Variants in ARHGAP35 observed in about 807,000 individuals in gnomAD.
The protein encoded by ARHGAP35 is rho GTPase-activating protein 35.
A neutral mutation model predicts 111.1 loss-of-function variants in ARHGAP35; 15 were observed. The observed-to-expected ratio is 0.13, with a 90% confidence interval of 0.09 to 0.21. The LOEUF (loss-of-function observed/expected upper bound fraction) is 0.21, where lower values mean the gene tolerates loss of function less well. Ranked by LOEUF, ARHGAP35 falls within the 10% of genes least tolerant of loss-of-function variation. ARHGAP35 has a pLI of 1.00. For missense variants in ARHGAP35, 1,262 were observed against 1,873.0 expected, an observed-to-expected ratio of 0.67 and a Z score of 6.02; for synonymous variants, 643 against 710.3, an observed-to-expected ratio of 0.91 and a Z score of 1.51.
intron 2 of ARHGAP35, among the ~76,000 whole-genome samples, chr19:46,929,897 A>G (rs566005211): frequency 9.8e-4 from 143 of 146,238 alleles, no homozygotes; most frequent in African/African-American, 3.3e-3. Context: ...CTGGGCAACA[A>G]GAGCGAAACT....
intron 3 of ARHGAP35, among the ~76,000 whole-genome samples, chr19:46,962,987 C>T (rs1033696766): frequency 6.6e-6 from 1 of 152,186 alleles, no homozygotes; most frequent in Non-Finnish European, 1.5e-5. Flanking sequence ...TACTCCTTTT[C>T]AGGCTAGCCT....
At chr19:46,902,215 T>TTGGCAGA (rs1387033814) in intron 1 of ARHGAP35, among the ~76,000 whole-genome samples, 2 of 152,172 alleles carry the variant, frequency 1.3e-5, no homozygotes, top group Non-Finnish European at 1.5e-5. Flanking sequence ...ACCTGACATG[T>TTGGCAGA]TAGTTGGCAA....
intron 3 of ARHGAP35, among the ~76,000 whole-genome samples, chr19:46,963,132 G>A (rs964672048): frequency 6.6e-5 from 10 of 152,310 alleles, no homozygotes; most frequent in Non-Finnish European, 1.3e-4. Context: ...TTTGCATGGT[G>A]TGCTACCCTG....
intron 1 of ARHGAP35, among the ~76,000 whole-genome samples, chr19:46,880,103 A>AT (rs1449388764): frequency 6.6e-6 from 1 of 151,852 alleles, no homozygotes; most frequent in Non-Finnish European, 1.5e-5. Flanking sequence ...AAATAAATAA[A>AT]TAAATAAATA....
intron 3 of ARHGAP35, chr19:46,947,052 T>C (rs2056383963): frequency 6.6e-6 from 1 of 152,204 alleles, no homozygotes; most frequent in African/African-American, 2.4e-5. Flanking sequence ...TTGTCCCTGG[T>C]TGAGTGGGGA....
At chr19:46,931,881 C>A (rs2056274825) in intron 2 of ARHGAP35, among the ~76,000 whole-genome samples, 1 of 152,168 alleles carries the variant, frequency 6.6e-6, no homozygotes, top group Non-Finnish European at 1.5e-5. Context: ...ATAACCCTTA[C>A]CTTGCAGAGT....
In ARHGAP35 at chr19:46,989,246, A is replaced by G; in HGVS notation, c.3905-298A>G. 3.3e-6 allele frequency: 1 copy of G among 300,160 alleles called. No individual in the cohort carries two copies. The highest frequency in any genetic ancestry group is 6.6e-6 in the Non-Finnish European group (1 of 151,404). The allele number at this position is 300,160 out of a possible 1,614,324, so 18.6% of individuals were successfully genotyped here. ...AGTAAGGAAGAGGCAACAGCATATCAAAGCCAGATGAAGGCAAGCTCCTGG... is the reference window on the plus strand; with the variant it reads ...AGTAAGGAAGAGGCAACAGCATATCGAAGCCAGATGAAGGCAAGCTCCTGG... On this transcript the variant is annotated intron_variant, in intron 4 of 6. Transcript: ENST00000672722. This position sits in a 1 kb window ranked among gnomAD's most constrained non-coding sequence, Gnocchi z 5.3.
At chr19:46,932,919 G>A (rs560243893) in intron 2 of ARHGAP35, among the ~76,000 whole-genome samples, 13 of 152,034 alleles carry the variant, frequency 8.6e-5, no homozygotes, top group Admixed American at 2.0e-4. Context: ...TTAGCCTTCC[G>A]TCTCTCTTAT....
intron 3 of ARHGAP35, among the ~76,000 whole-genome samples, chr19:46,963,821 A>T (rs1221867773): frequency 6.6e-6 from 1 of 152,212 alleles, no homozygotes; most frequent in Non-Finnish European, 1.5e-5. Flanking sequence ...ATGCCAGCAG[A>T]TGCCATGCTG....
intron 1 of ARHGAP35, among the ~76,000 whole-genome samples, chr19:46,915,224 A>G (rs1332297461): frequency 1.3e-5 from 2 of 152,216 alleles, no homozygotes; most frequent in Non-Finnish European, 2.9e-5. Flanking sequence ...TATGTAAGCA[A>G]TCGCCTAGAA....
chr19:46,934,011 A>G (rs1047057550), intron 2 of ARHGAP35, among the ~76,000 whole-genome samples: 1 of 152,196 alleles, frequency 6.6e-6, no homozygotes, highest in Admixed American at 6.5e-5. Flanking sequence ...CTTTAAGGTG[A>G]TTAGGAATAG....
chr19:46,965,207 G>A (rs1285378564), intron 3 of ARHGAP35, among the ~76,000 whole-genome samples: 1 of 152,160 alleles, frequency 6.6e-6, no homozygotes, highest in East Asian at 1.9e-4. Flanking sequence ...CAGCTACTCA[G>A]GAGGCTGAAG....
At position 47,000,601 on chromosome 19, in the gene ARHGAP35, G is replaced by A. The variant is rs201125011; in HGVS notation, c.4413G>A (p.Pro1471=). 1.9e-5 allele frequency: 31 copies of A among 1,612,436 alleles called. No individual in the cohort carries two copies. The highest frequency in any genetic ancestry group is 2.2e-5 in the South Asian group (2 of 90,972). Residue 1471 remains proline (P), a synonymous_variant, in exon 7 of 7, where the codon CCG becomes CCA. Transcript: ENST00000672722. The surrounding 1 kb of genome is among the most constrained non-coding windows in gnomAD (Gnocchi z 6.9). ...FLTSTPVTSQ[P]SPPQSPPPTP... The stretch of plus-strand genomic sequence containing the variant: ...CTTCCACGCCTGTCACAAGTCAGCC[G>A]TCGCCCCCACAGTCGCCTCCACCCA...
At position 47,002,393 on chromosome 19, in the gene ARHGAP35, G is replaced by T. The variant is rs1265224308; in HGVS notation, c.*1705G>T. On this transcript the variant is annotated 3_prime_UTR_variant, in exon 7 of 7. Coordinates refer to ENST00000672722, the MANE Select transcript of ARHGAP35 (RefSeq NM_004491.5). The stretch of plus-strand genomic sequence containing the variant: ...TTCTCAATGGCCAACGAAGGTGCTT[G>T]GAAACACCTAACCTTGCAAGTTTTA... 2 of 152,570 alleles carry T rather than the reference G, an allele frequency of 1.3e-5. No homozygotes were observed. The highest frequency in any genetic ancestry group is 4.8e-5 in the African/African-American group (2 of 41,474). 9.5% of individuals were successfully genotyped at this position (152,570 alleles called of 1,614,324 possible).
At chr19:46,892,529 TG>T (rs1235513642) in intron 1 of ARHGAP35, among the ~76,000 whole-genome samples, 2 of 151,716 alleles carry the variant, frequency 1.3e-5, no homozygotes, top group African/African-American at 2.4e-5. Context: ...GAGCCACAGT[TG>T]GTACCTTTGA....
At chr19:46,874,240 C>G (rs1051569311) in intron 1 of ARHGAP35, among the ~76,000 whole-genome samples, 2 of 152,168 alleles carry the variant, frequency 1.3e-5, no homozygotes, top group Admixed American at 6.5e-5. Flanking sequence ...CTCTTCCTCT[C>G]TGGGAGAATT....
Position 46,918,957 on chromosome 19 carries a change from G to A in ARHGAP35, c.282G>A (p.Val94=). ...EDCVECKMHI[V]EQTEFIDDQT... ...GTGTGGAATGTAAGATGCACATTGT[G>A]GAGCAGACTGAATTTATTGATGATC... The change falls in exon 2 of 7, where the codon GTG becomes GTA. Residue 94 remains valine (V), a synonymous_variant. Transcript: ENST00000672722. The surrounding 1 kb of genome is among the most constrained non-coding windows in gnomAD (Gnocchi z 5.4). The A allele has an allele frequency of 6.2e-7, 1 of 1,613,972 alleles. No individual in the cohort carries two copies. Among genetic ancestry groups the A allele is most frequent in the South Asian group, 1.1e-5 (1 of 91,078 alleles).
At chr19:46,990,926 C>A (rs1485313738) in intron 5 of ARHGAP35, among the ~76,000 whole-genome samples, 2 of 152,192 alleles carry the variant, frequency 1.3e-5, no homozygotes, top group Admixed American at 1.3e-4. Context: ...TCACCTTATT[C>A]TGTCCACACT....
At chr19:46,967,521 C>G (rs913852079) in intron 3 of ARHGAP35, among the ~76,000 whole-genome samples, 12 of 152,212 alleles carry the variant, frequency 7.9e-5, no homozygotes, top group African/African-American at 2.9e-4. Flanking sequence ...TTGTAATTGA[C>G]CTTCCTGTTT....
Sources: allele counts gnomAD v4.1 joint callset (sites outside exome capture counted in the v4.1 genomes callset), GRCh38; gene constraint gnomAD v4.1.1; non-coding constraint Gnocchi (gnomAD v3.1); transcripts MANE v1.5; gene names NCBI Gene and HGNC (gene_info 2026-07-23, HGNC 2026-07-21).